Variants in ZNF521 observed in about 807,000 individuals in gnomAD.
The protein encoded by ZNF521 is zinc finger protein 521.
A neutral mutation model predicts 105.5 loss-of-function variants in ZNF521; 14 were observed. That is an observed-to-expected ratio of 0.13 (90% CI 0.09 to 0.21). ZNF521 has a LOEUF of 0.21. Among genes scored for constraint, ZNF521 ranks in the 10% least tolerant of loss-of-function variants. ZNF521 has a pLI of 1.00. For synonymous variants in ZNF521, 635 were observed against 606.0 expected (o/e 1.05, Z -0.70); for missense variants, 1,233 against 1,629.7 (o/e 0.76, Z 4.19).
chr18:25,329,226 G>C (rs1315116786), intron 2 of ZNF521, among the ~76,000 whole-genome samples: 1 of 152,156 alleles, frequency 6.6e-6, no homozygotes. Flanking sequence ...CACAGCTTGG[G>C]GTGACTGGAA....
intron 3 of ZNF521, among the ~76,000 whole-genome samples, chr18:25,287,927 C>T (rs192899991): frequency 6.6e-6 from 1 of 152,250 alleles, no homozygotes; most frequent in Admixed American, 6.5e-5. Context: ...TCACAGAACT[C>T]GTTTGCTTTA....
intron 5 of ZNF521, among the ~76,000 whole-genome samples, chr18:25,133,601 G>GT (rs2034678866): frequency 6.6e-6 from 1 of 152,102 alleles, no homozygotes; most frequent in Non-Finnish European, 1.5e-5. Flanking sequence ...AGACTACTGT[G>GT]TATCTAAACA....
intron 3 of ZNF521, among the ~76,000 whole-genome samples, chr18:25,252,046 C>T (rs1908156509): frequency 6.6e-6 from 1 of 152,056 alleles, no homozygotes; most frequent in Non-Finnish European, 1.5e-5. Flanking sequence ...CAAAAAGAAA[C>T]AGGACAGGGA....
chr18:25,177,839 T>C (rs1376065474), intron 5 of ZNF521, among the ~76,000 whole-genome samples: 2 of 152,230 alleles, frequency 1.3e-5, no homozygotes, highest in African/African-American at 2.4e-5. Context: ...CAGACCCAGA[T>C]GGCACTTTCT....
chr18:25,074,335 A>G (rs961008647), intron 7 of ZNF521, among the ~76,000 whole-genome samples: 4 of 152,158 alleles, frequency 2.6e-5, no homozygotes, highest in Admixed American at 2.0e-4. Context: ...CACAGGCCCA[A>G]TTCTGTTTGG....
intron 7 of ZNF521, among the ~76,000 whole-genome samples, chr18:25,072,015 G>A (rs1239367264): frequency 6.6e-6 from 1 of 152,228 alleles, no homozygotes; most frequent in African/African-American, 2.4e-5. Flanking sequence ...CAGGAACTGT[G>A]TAGGAGCTGA....
At chr18:25,099,631 A>C (rs934941456) in intron 5 of ZNF521, among the ~76,000 whole-genome samples, 1 of 152,194 alleles carries the variant, frequency 6.6e-6, no homozygotes, top group African/African-American at 2.4e-5. Context: ...CATGACCAAT[A>C]AACAATTTTT....
At chr18:25,118,236 T>C (rs1461545865) in intron 5 of ZNF521, among the ~76,000 whole-genome samples, 1 of 152,032 alleles carries the variant, frequency 6.6e-6, no homozygotes, top group Non-Finnish European at 1.5e-5. Flanking sequence ...AATATTTCCA[T>C]ATAAGAAAAA....
intron 5 of ZNF521, among the ~76,000 whole-genome samples, chr18:25,194,071 A>G (rs768985341): frequency 1.3e-5 from 2 of 151,810 alleles, no homozygotes; most frequent in Non-Finnish European, 3.0e-5. Context: ...ACAGGGGAAC[A>G]ACCTTCCACT....
At position 25,069,826 on chromosome 18, in the gene ZNF521, T is replaced by C. The variant is rs1397923366; in HGVS notation, c.3907-7085A>G. Among the ~76,000 whole-genome samples, 4 of 152,260 alleles carry C rather than the reference T, an allele frequency of 2.6e-5. No homozygotes were observed. The East Asian group carries it at 7.7e-4, about 29-fold the overall frequency. Reference sequence around the variant, plus strand: ...GCTAGAATGAAGTTCTACTCTTTTATTATGACACAGCAATGGCATTTCCAA... The same window carrying C: ...GCTAGAATGAAGTTCTACTCTTTTACTATGACACAGCAATGGCATTTCCAA... On this transcript the variant is annotated intron_variant, in intron 7 of 7. Transcript: ENST00000361524.
rs71266974 is a variant in ZNF521, at chr18:25,297,124, T to TACACAC, written c.220+24878_220+24883dup. On this transcript the variant is annotated intron_variant, in intron 3 of 7. Transcript: ENST00000361524. ...ATAGACACATATACATGTCCCTTTA[T>TACACAC]ACACACACACACACACACATATATA... Among the ~76,000 whole-genome samples the TACACAC allele has an allele frequency of 5.3e-5, 8 of 149,702 alleles. No homozygotes were observed. In the East Asian group the frequency reaches 1.4e-3, roughly 26 times the overall value.
intron 5 of ZNF521, among the ~76,000 whole-genome samples, chr18:25,173,255 A>G (rs574021904): frequency 1.2e-4 from 19 of 152,178 alleles, no homozygotes; most frequent in Non-Finnish European, 2.8e-4. Context: ...CGCAGAGGTT[A>G]ATCAGGGGAT....
At chr18:25,282,181 C>G (rs1344244173) in intron 3 of ZNF521, among the ~76,000 whole-genome samples, 1 of 152,124 alleles carries the variant, frequency 6.6e-6, no homozygotes, top group African/African-American at 2.4e-5. Context: ...CTTGAGAACA[C>G]AGAGCACCTA....
rs1465750592 is a variant in ZNF521 at position 25,225,928 on chromosome 18, A to C, written c.1990T>G (p.Leu664Val). Residue 664 changes from leucine (L) to valine (V), a missense_variant, in exon 4 of 8, where the codon TTG (leucine) becomes GTG (valine). By Grantham distance (32) the Leu-to-Val change is conservative (BLOSUM62 1). Around this residue, in one of 6 missense-constraint regions of ZNF521, gnomAD observed 614 missense variants for 751.5 expected, o/e 0.82. Transcript: ENST00000361524. The surrounding 1 kb of genome is among the most constrained non-coding windows in gnomAD (Gnocchi z 5.6). ...KTHLDTVLPK[L>V]TCPQCNKEFP... ...TCCTTGTTGCACTGAGGACAGGTCA[A>C]TTTTGGAAGCACAGTGTCGAGATGA... 6.2e-7 allele frequency: 1 copy of C among 1,614,124 alleles called. No individual in the cohort carries two copies. The highest frequency in any genetic ancestry group is 8.5e-7 in the Non-Finnish European group (1 of 1,180,030).
At chr18:25,315,640 A>G (rs1011702400) in intron 3 of ZNF521, 1 of 152,178 alleles carries the variant, frequency 6.6e-6, no homozygotes, top group Non-Finnish European at 1.5e-5. Context: ...GCTGACTTTC[A>G]AATCTGGGTC....
intron 3 of ZNF521, among the ~76,000 whole-genome samples, chr18:25,249,335 T>C (rs1054717355): frequency 4.6e-5 from 7 of 151,934 alleles, no homozygotes; most frequent in African/African-American, 1.7e-4. Flanking sequence ...TTTTTTGTAT[T>C]TTTAGTAGAG....
At chr18:25,313,076 T>C (rs183598757) in intron 3 of ZNF521, among the ~76,000 whole-genome samples, 3 of 152,200 alleles carry the variant, frequency 2.0e-5, no homozygotes, top group South Asian at 2.1e-4. Flanking sequence ...ATACTCTGAA[T>C]AGTCAGAAAC....
chr18:25,351,729 C>G (rs1382386434), intron 1 of ZNF521: 1 of 155,176 alleles, frequency 6.4e-6, no homozygotes, highest in Non-Finnish European at 1.4e-5. Context: ...GCCAAAGCAC[C>G]CGAGCCGACG....
chr18:25,300,108 T>C (rs7226520), intron 3 of ZNF521, among the ~76,000 whole-genome samples: 11,289 of 152,108 alleles, frequency 0.074, 896 homozygotes, highest in African/African-American at 0.19. Context: ...CCTAGACCCA[T>C]GCTGTGAAAG....
Sources: gnomAD v4.1 joint callset for allele counts (sites outside exome capture counted in the v4.1 genomes callset) on GRCh38, gnomAD v4.1.1 for gene constraint, gnomAD v4.1.1 regional missense constraint, Gnocchi (gnomAD v3.1) non-coding constraint, MANE v1.5 for transcripts, NCBI Gene and HGNC (gene_info 2026-07-23, HGNC 2026-07-21) for gene names.